The following LAMA3 variants were observed in gnomAD, a reference collection of about 807,000 sequenced individuals.
LAMA3 encodes the protein laminin subunit alpha 3, also known as laminin subunit alpha-3.
LAMA3 carries 281 observed loss-of-function variants against 402.0 expected under a neutral mutation model. The ratio of observed to expected loss-of-function variants is 0.70; its 90% CI spans 0.63 to 0.77. The LOEUF is 0.77. Among genes scored for constraint, LAMA3 ranks in the 30% least tolerant of loss-of-function variants. LAMA3 has a pLI of 0.00. For missense variants in LAMA3, 3,840 were observed against 4,215.5 expected (o/e 0.91, Z 2.47); for synonymous variants, 1,431 against 1,558.4 (o/e 0.92, Z 1.93).
chr18:23,712,462 T>G (rs1298264451), intron 1 of LAMA3, among the ~76,000 whole-genome samples: 2 of 150,000 alleles, frequency 1.3e-5, no homozygotes, highest in Admixed American at 1.3e-4. Context: ...TTTTGAGAAA[T>G]GGCTGATGGA....
chr18:23,759,785 T>C (rs2061932111), intron 7 of LAMA3, among the ~76,000 whole-genome samples: 1 of 152,188 alleles, frequency 6.6e-6, no homozygotes, highest in South Asian at 2.1e-4. Flanking sequence ...TTCCCAGTGG[T>C]CTTCCAAGGG....
chr18:23,764,456 T>A (rs112019622), intron 8 of LAMA3, among the ~76,000 whole-genome samples: 13 of 152,224 alleles, frequency 8.5e-5, no homozygotes, highest in African/African-American at 2.4e-4. Context: ...TTTCTCTGGA[T>A]GAAAGGTCAA....
At chr18:23,822,532 C>T (rs1171423064) in intron 20 of LAMA3, among the ~76,000 whole-genome samples, 157 bp downstream of exon 20, 3 of 152,160 alleles carry the variant, frequency 2.0e-5, no homozygotes, top group Non-Finnish European at 4.4e-5. Context: ...TCGTTTGTTA[C>T]CTTGCATTCT....
chr18:23,775,960 T>G (rs774934227), intron 10 of LAMA3, 37 bp downstream of exon 10: 1 of 1,613,688 alleles, frequency 6.2e-7, no homozygotes, highest in South Asian at 1.1e-5. Flanking sequence ...CCACCCTTTT[T>G]GGTCCATAGC....
chr18:23,847,074 C>T (rs964701507), intron 31 of LAMA3, among the ~76,000 whole-genome samples: 1 of 152,182 alleles, frequency 6.6e-6, no homozygotes, highest in Non-Finnish European at 1.5e-5. Flanking sequence ...ACCCTGCTGC[C>T]AGGTTGTGCC....
chr18:23,868,290 A>G (rs752849506), intron 37 of LAMA3, among the ~76,000 whole-genome samples: 4 of 152,226 alleles, frequency 2.6e-5, no homozygotes, highest in Non-Finnish European at 4.4e-5. Context: ...TATAGATTCA[A>G]AACATGAATT....
Position 23,942,874 on chromosome 18 carries a change from G to A in LAMA3, c.9027-914G>A, listed in dbSNP as rs141043801. On this transcript the variant is annotated intron_variant, in intron 68 of 74. Coordinates refer to ENST00000313654, the MANE Select transcript of LAMA3 (RefSeq NM_198129.4). ...ATTTTCCCATAGTGCTGAGATTACA[G>A]GCGTGAGCCACCTTGCTTGGCACAC... is the stretch of plus-strand genomic sequence containing the variant. Among the ~76,000 whole-genome samples, 213 of 152,238 alleles carry A rather than the reference G, an allele frequency of 1.4e-3. 3 individuals carry two copies. Among genetic ancestry groups the A allele is most frequent in the Middle Eastern group, 6.8e-3 (2 of 294 alleles).
chr18:23,925,695 C>T (rs2081983555), intron 62 of LAMA3, among the ~76,000 whole-genome samples: 1 of 152,194 alleles, frequency 6.6e-6, no homozygotes, highest in South Asian at 2.1e-4. Flanking sequence ...TCACATTCCT[C>T]TAGCAAGTAT....
At chr18:23,731,090 T>C (rs2061387519) in intron 2 of LAMA3, among the ~76,000 whole-genome samples, 1 of 152,218 alleles carries the variant, frequency 6.6e-6, no homozygotes, top group South Asian at 2.1e-4. Flanking sequence ...AAGAACCTGC[T>C]TTTACTCAGC....
In LAMA3 at chr18:23,777,559, A is replaced by C. The variant is rs761799953; in HGVS notation, c.1408A>C (p.Ile470Leu). The change falls in exon 11 of 75, where the codon ATT becomes CTT. Residue 470 changes from isoleucine to leucine, a missense_variant and splice_region_variant. Physicochemically the swap from Ile to Leu is conservative, Grantham distance 5. Coordinates refer to ENST00000313654, the MANE Select transcript of LAMA3 (RefSeq NM_198129.4). ...GYYNFPFCLR[I>L]PIFPVSTPSS... is the part of the protein sequence containing the mutation. ...TTTTTAATAAACTATTTTTACAGGAATTCCCATTTTTCCTGTTTCTACACC... is the reference window on the plus strand; with the variant it reads ...TTTTTAATAAACTATTTTTACAGGACTTCCCATTTTTCCTGTTTCTACACC... The C allele has an allele frequency of 5.6e-6, 9 of 1,599,992 alleles. No homozygotes were observed. Among genetic ancestry groups the C allele is most frequent in the African/African-American group, 1.3e-5 (1 of 74,768 alleles).
intron 18 of LAMA3, 29 bp from the exon 19 acceptor site, chr18:23,819,812 T>G: frequency 6.2e-7 from 1 of 1,605,638 alleles, no homozygotes; most frequent in Non-Finnish European, 8.5e-7. Context: ...CCTAACCTCC[T>G]GTATGTGTTT....
rs373772390 is a variant in LAMA3, at chr18:23,698,194, T to A, written c.294+8217T>A. On this transcript the variant is annotated intron_variant, in intron 1 of 74. Transcript: ENST00000313654. ...ACACTGGGGAACCAGCCTGTTTCTC[T>A]TCTTCTTCTTTTTTTTTTTTTTTTT... Among the ~76,000 whole-genome samples, 347 of 149,338 alleles carry A rather than the reference T, an allele frequency of 2.3e-3. 1 individual carries two copies. Among genetic ancestry groups the A allele is most frequent in the African/African-American group, 8.3e-3 (338 of 40,750 alleles).
intron 40 of LAMA3, among the ~76,000 whole-genome samples, chr18:23,882,482 TA>T (rs1316401401): frequency 6.6e-6 from 1 of 151,752 alleles, no homozygotes; most frequent in African/African-American, 2.4e-5. Flanking sequence ...ATGCAAAAAT[TA>T]CCTTGTAATC....
At chr18:23,811,847 T>G (rs1304732410) in intron 13 of LAMA3, among the ~76,000 whole-genome samples, 1 of 151,972 alleles carries the variant, frequency 6.6e-6, no homozygotes, top group Non-Finnish European at 1.5e-5. Flanking sequence ...TGAGATCCTG[T>G]CTCTAGAATT....
At chr18:23,844,835 G>A (rs1408067660) in intron 29 of LAMA3, among the ~76,000 whole-genome samples, 174 bp from the exon 30 acceptor site, 4 of 152,162 alleles carry the variant, frequency 2.6e-5, no homozygotes, top group African/African-American at 7.2e-5. Flanking sequence ...GCTCCAGTGA[G>A]CATTTCTTTT....
intron 1 of LAMA3, among the ~76,000 whole-genome samples, chr18:23,699,050 GAGAGAA>G (rs2060741955): frequency 7.8e-6 from 1 of 128,146 alleles, no homozygotes. Context: ...GAGAGAGAGA[GAGAGAA>G]AGAAAAGAAA....
At chr18:23,876,538 G>A (rs368399117) in intron 39 of LAMA3, 131 bp downstream of exon 39, 7 of 657,520 alleles carry the variant, frequency 1.1e-5, no homozygotes, top group Non-Finnish European at 1.9e-5. Flanking sequence ...GTAAATATAT[G>A]AGGCTCCATT....
intron 40 of LAMA3, 36 bp downstream of exon 40, chr18:23,882,081 A>G (rs1341618639): frequency 6.8e-7 from 1 of 1,477,596 alleles, no homozygotes; most frequent in East Asian, 2.3e-5. Context: ...ACAGGGACCC[A>G]AAGTCGTTTG....
intron 1 of LAMA3, chr18:23,710,081 C>G (rs1198226189): frequency 2.7e-6 from 2 of 744,400 alleles, no homozygotes; most frequent in African/African-American, 3.4e-5. Context: ...AGTGGTCAAG[C>G]TTGTTCTCCT....
Sources: gnomAD v4.1 joint callset for allele counts (sites outside exome capture counted in the v4.1 genomes callset) on GRCh38, gnomAD v4.1.1 for gene constraint, MANE v1.5 for transcripts, NCBI Gene and HGNC (gene_info 2026-07-23, HGNC 2026-07-21) for gene names.